OPCML: variants seen among roughly 807,000 people sequenced by gnomAD.
The protein encoded by OPCML is opioid-binding protein/cell adhesion molecule.
Under a neutral mutation model 37.8 loss-of-function variants are expected in OPCML, and 13 were observed. The observed-to-expected ratio is 0.34, with a 90% confidence interval of 0.22 to 0.55. The LOEUF is 0.55. Ranked by LOEUF, OPCML falls within the 20% of genes least tolerant of loss-of-function variation. The pLI is 0.91. For synonymous variants in OPCML, 176 were observed against 168.8 expected (o/e 1.04, Z -0.33); for missense variants, 341 against 435.6 (o/e 0.78, Z 1.93).
At position 133,123,525 on chromosome 11, in the gene OPCML, C is replaced by T. The variant is rs74337021; in HGVS notation, c.62-180515G>A. ...GCCTGAGCCAAGGGCAGCACGCCTCCGAGGGTGACAAGCTATTCTGGACGG... is the reference window on the plus strand; with the variant it reads ...GCCTGAGCCAAGGGCAGCACGCCTCTGAGGGTGACAAGCTATTCTGGACGG... On this transcript the variant is annotated intron_variant, in intron 1 of 7. Transcript: ENST00000524381. Among the ~76,000 whole-genome samples, 888 of 152,216 alleles carry T rather than the reference C, an allele frequency of 5.8e-3. 4 individuals carry two copies. Among genetic ancestry groups the T allele is most frequent in the African/African-American group, 0.015 (627 of 41,532 alleles).
intron 1 of OPCML, among the ~76,000 whole-genome samples, chr11:133,333,225 A>T (rs772011754): frequency 1.1e-4 from 17 of 151,948 alleles, no homozygotes; most frequent in African/African-American, 4.1e-4. Context: ...TGCCCAGTAC[A>T]TTTTTGTATT....
chr11:133,237,907 C>A (rs116630935), intron 1 of OPCML, among the ~76,000 whole-genome samples: 1 of 152,226 alleles, frequency 6.6e-6, no homozygotes, highest in South Asian at 2.1e-4. Context: ...CAAGCTCATC[C>A]TATTCATATG....
chr11:133,140,166 G>A (rs187048386), intron 1 of OPCML, among the ~76,000 whole-genome samples: 64 of 141,830 alleles, frequency 4.5e-4, no homozygotes, highest in African/African-American at 1.4e-3. Flanking sequence ...CAGCCTGGGC[G>A]ACAGAGTGAG....
chr11:132,724,575 T>C (rs1944805818), intron 2 of OPCML, among the ~76,000 whole-genome samples: 1 of 152,140 alleles, frequency 6.6e-6, no homozygotes, highest in South Asian at 2.1e-4. Flanking sequence ...ACAAATCTCA[T>C]GTCTTCACAT....
intron 1 of OPCML, chr11:133,064,907 C>G (rs2136997442): frequency 6.6e-6 from 1 of 152,202 alleles, no homozygotes; most frequent in South Asian, 2.1e-4. Flanking sequence ...GTAGACAGGA[C>G]ACATACAAGA....
intron 1 of OPCML, among the ~76,000 whole-genome samples, chr11:133,389,940 C>T (rs1182604126): frequency 6.6e-6 from 1 of 152,196 alleles, no homozygotes; most frequent in African/African-American, 2.4e-5. Context: ...TGAAAGAAAG[C>T]TGAGGCCATC....
At chr11:132,882,236 A>C (rs1314089478) in intron 2 of OPCML, among the ~76,000 whole-genome samples, 1 of 152,240 alleles carries the variant, frequency 6.6e-6, no homozygotes, top group South Asian at 2.1e-4. Context: ...TAAACAAAAA[A>C]TGAACCTCGT....
At chr11:133,356,410 G>T (rs569776677) in intron 1 of OPCML, among the ~76,000 whole-genome samples, 2 of 152,192 alleles carry the variant, frequency 1.3e-5, no homozygotes, top group Admixed American at 1.3e-4. Flanking sequence ...ATGAGCTGGA[G>T]TTCCTTTTCA....
At chr11:133,408,173 C>G (rs1330056188) in intron 1 of OPCML, among the ~76,000 whole-genome samples, 3 of 152,112 alleles carry the variant, frequency 2.0e-5, no homozygotes, top group African/African-American at 7.2e-5. Context: ...CACCAAACTT[C>G]CAAATAAAGA....
chr11:133,117,022 AT>A lies in OPCML; in HGVS notation c.62-174013del, dbSNP rs143884672. Among the ~76,000 whole-genome samples, 65 of 152,110 alleles carry A rather than the reference AT, an allele frequency of 4.3e-4. No individual in the cohort carries two copies. In the East Asian group the frequency reaches 8.3e-3, roughly 20 times the overall value. On this transcript the variant is annotated intron_variant, in intron 1 of 7. Transcript: ENST00000524381. Reference sequence around the variant, plus strand: ...TAGTCATTCACTTATTCTGTTATCTATTTAATTCCATACAACTCATTAATTT... The same window carrying A: ...TAGTCATTCACTTATTCTGTTATCTATTAATTCCATACAACTCATTAATTT...
At chr11:133,086,517 A>G (rs905895119) in intron 1 of OPCML, among the ~76,000 whole-genome samples, 1 of 152,244 alleles carries the variant, frequency 6.6e-6, no homozygotes, top group Non-Finnish European at 1.5e-5. Flanking sequence ...CCTGTAGATG[A>G]AAATTCTGCT....
At chr11:132,863,699 G>T (rs1173578743) in intron 2 of OPCML, among the ~76,000 whole-genome samples, 1 of 152,098 alleles carries the variant, frequency 6.6e-6, no homozygotes, top group African/African-American at 2.4e-5. Context: ...CATCCAATTT[G>T]CCTTGTTTGA....
intron 2 of OPCML, among the ~76,000 whole-genome samples, chr11:132,702,104 C>G (rs1196691827): frequency 1.3e-5 from 2 of 152,182 alleles, no homozygotes; most frequent in Non-Finnish European, 2.9e-5. Flanking sequence ...TTACACACCA[C>G]TCTTCTGTAT....
chr11:132,556,661 A>T (rs541837796), intron 3 of OPCML, among the ~76,000 whole-genome samples: 1 of 152,294 alleles, frequency 6.6e-6, no homozygotes, highest in African/African-American at 2.4e-5. Flanking sequence ...TACGTTTCCC[A>T]CTGCATTAAG....
intron 2 of OPCML, among the ~76,000 whole-genome samples, chr11:132,693,689 C>G (rs188069354): frequency 1.3e-5 from 2 of 152,284 alleles, no homozygotes; most frequent in East Asian, 3.9e-4. Context: ...ATTTTACCAA[C>G]AATTAAGCAA....
intron 4 of OPCML, among the ~76,000 whole-genome samples, chr11:132,522,456 C>T (rs1472400300): frequency 1.3e-5 from 2 of 152,194 alleles, no homozygotes; most frequent in East Asian, 3.9e-4. Flanking sequence ...ATGCAGTATG[C>T]ACTCATCATA....
intron 2 of OPCML, among the ~76,000 whole-genome samples, chr11:132,820,352 T>C (rs1376997843): frequency 6.6e-6 from 1 of 152,126 alleles, no homozygotes; most frequent in African/African-American, 2.4e-5. Context: ...TATTTGAGGT[T>C]AGATTTAGTG....
intron 1 of OPCML, among the ~76,000 whole-genome samples, chr11:133,200,217 T>A (rs1249029543): frequency 6.6e-6 from 1 of 152,138 alleles, no homozygotes; most frequent in African/African-American, 2.4e-5. Context: ...AAGACCTCTC[T>A]CCTTGGAGTG....
In OPCML at chr11:133,196,274, C is replaced by A. The variant is rs1444240314; in HGVS notation, c.62-253264G>T. On this transcript the variant is annotated intron_variant, in intron 1 of 7. Transcript: ENST00000524381. ...CTTGCTAGGTGTTATTAGTGGATTT[C>A]TCAAACACGTTGGTGATTTTAATGT... is the stretch of plus-strand genomic sequence containing the variant. 2.0e-5 allele frequency among the ~76,000 whole-genome samples: 3 copies of A among 152,330 alleles called. No individual in the cohort carries two copies. In the East Asian group the frequency reaches 5.8e-4, roughly 29 times the overall value.
Sources: allele counts gnomAD v4.1 joint callset (sites outside exome capture counted in the v4.1 genomes callset), GRCh38; gene constraint gnomAD v4.1.1; transcripts MANE v1.5; gene names NCBI Gene and HGNC (gene_info 2026-07-23, HGNC 2026-07-21).